FGD5: variants seen among roughly 807,000 people sequenced by gnomAD.
The protein encoded by FGD5 is FYVE, RhoGEF and PH domain containing 5.
A neutral mutation model predicts 133.4 loss-of-function variants in FGD5; 28 were observed. That is an observed-to-expected ratio of 0.21 (90% CI 0.16 to 0.29). FGD5 has a LOEUF of 0.29. Ranked by LOEUF, FGD5 falls within the 10% of genes least tolerant of loss-of-function variation. The pLI is 1.00. For synonymous variants in FGD5, 810 were observed against 776.5 expected, an observed-to-expected ratio of 1.04 and a Z score of -0.72; for missense variants, 1,858 against 1,895.2, an observed-to-expected ratio of 0.98 and a Z score of 0.36.
intron 7 of FGD5, among the ~76,000 whole-genome samples, chr3:14,899,965 C>T (rs545613995): frequency 8.9e-4 from 135 of 152,310 alleles, no homozygotes; most frequent in African/African-American, 3.2e-3. Flanking sequence ...TCAAGAAAGC[C>T]ATCATGGCCA....
intron 1 of FGD5, among the ~76,000 whole-genome samples, chr3:14,851,207 A>G (rs1249046093): frequency 1.3e-5 from 2 of 152,126 alleles, no homozygotes; most frequent in Non-Finnish European, 2.9e-5. Flanking sequence ...ACCAGCAGGT[A>G]CTGTGTTACA....
At chr3:14,811,202 C>T (rs1317665456) in intron 1 of FGD5, among the ~76,000 whole-genome samples, 3 of 152,180 alleles carry the variant, frequency 2.0e-5, no homozygotes, top group Non-Finnish European at 4.4e-5. Context: ...TTCGCAAAAG[C>T]GACTTCGTCT....
Position 14,910,939 on chromosome 3 carries a change from C to G in FGD5, c.3405+10C>G, listed in dbSNP as rs374666844. 15 of 1,608,774 alleles carry G rather than the reference C, an allele frequency of 9.3e-6. No homozygotes were observed. The highest frequency in any genetic ancestry group is 4.0e-5 in the African/African-American group (3 of 74,786). On this transcript the variant is annotated intron_variant, in intron 11 of 19. Transcript: ENST00000285046. ...CCGGCACCTATTTCTGGTAAGTGCCCGGTCCCCAAGCCCAGCTCAGGAACT... is the reference window on the plus strand; with the variant it reads ...CCGGCACCTATTTCTGGTAAGTGCCGGGTCCCCAAGCCCAGCTCAGGAACT...
intron 7 of FGD5, among the ~76,000 whole-genome samples, chr3:14,899,196 C>A (rs563543025): frequency 2.6e-5 from 4 of 152,266 alleles, no homozygotes; most frequent in African/African-American, 9.6e-5. Context: ...CTGCTGGACC[C>A]ACGACCACTT....
intron 1 of FGD5, among the ~76,000 whole-genome samples, chr3:14,837,865 C>T (rs1391341178): frequency 6.6e-6 from 1 of 152,192 alleles, no homozygotes; most frequent in Non-Finnish European, 1.5e-5. Context: ...TAAGTGATTT[C>T]GTAGGGCTGT....
rs534488905 is a variant in FGD5, at chr3:14,927,099, A to C, written c.4197+901A>C. The stretch of plus-strand genomic sequence containing the variant: ...GGCTTTCTAGAAGAAATTGCTTTGG[A>C]GCCATACTTAAACACTTAGCAAGGC... On this transcript the variant is annotated intron_variant, in intron 18 of 19. Transcript: ENST00000285046. Among the ~76,000 whole-genome samples, 27 of 152,288 alleles carry C rather than the reference A, an allele frequency of 1.8e-4. No homozygotes were observed. The South Asian group carries it at 5.2e-3, about 29-fold the overall frequency.
intron 18 of FGD5, among the ~76,000 whole-genome samples, chr3:14,927,717 G>A (rs757654142): frequency 3.0e-4 from 46 of 151,986 alleles, no homozygotes; most frequent in Non-Finnish European, 6.5e-4. Context: ...AACAGTCCTG[G>A]GAAAAAGCGA....
rs145333437 is a variant in FGD5 at position 14,919,253 on chromosome 3, A to T, written c.3569+420A>T. 1.0e-3 allele frequency among the ~76,000 whole-genome samples: 158 copies of T among 152,356 alleles called. 4 individuals are homozygous for T. In the East Asian group the frequency reaches 0.028, roughly 27 times the overall value. On this transcript the variant is annotated intron_variant, in intron 13 of 19. Transcript: ENST00000285046. The stretch of plus-strand genomic sequence containing the variant: ...TCCTGTCTAGAAGATGAGAGAAAAA[A>T]AATAATAAGTGAGCGTTCATCACTT...
At chr3:14,832,633 T>C (rs1258941199) in intron 1 of FGD5, among the ~76,000 whole-genome samples, 1 of 152,182 alleles carries the variant, frequency 6.6e-6, no homozygotes. Context: ...GCATGACTTT[T>C]AAGCCAGTAA....
Position 14,821,395 on chromosome 3 carries a change from A to C in FGD5, c.2324A>C (p.Glu775Ala). ...CCCAGCGCTGACACTTCAGACTATG[A>C]GAACATTCCAGCCATGAACTCGGAC... The part of the protein sequence containing the change: ...SFPSADTSDY[E>A]NIPAMNSDYE... The change falls in exon 1 of 20, where the codon GAG becomes GCG. Residue 775 changes from glutamate (E) to alanine (A), a missense_variant. Around this residue, in one of 3 missense-constraint regions of FGD5, gnomAD observed 1,824 missense variants for 1,848.9 expected, o/e 0.99. Coordinates refer to ENST00000285046, the MANE Select transcript of FGD5 (RefSeq NM_152536.4). The C allele has an allele frequency of 6.2e-7, 1 of 1,614,014 alleles. No individual in the cohort carries two copies. Among genetic ancestry groups the C allele is most frequent in the Non-Finnish European group, 8.5e-7 (1 of 1,179,900 alleles).
At chr3:14,825,654 AAAATG>A (rs1349575431) in intron 1 of FGD5, among the ~76,000 whole-genome samples, 2 of 152,184 alleles carry the variant, frequency 1.3e-5, no homozygotes, top group African/African-American at 2.4e-5. Context: ...ATTCAAAAGA[AAAATG>A]AAATGAAATG....
At chr3:14,852,619 C>T (rs376433960) in intron 1 of FGD5, among the ~76,000 whole-genome samples, 1 of 152,300 alleles carries the variant, frequency 6.6e-6, no homozygotes. Context: ...AGAAAGCAAA[C>T]CCCTCTGAAA....
intron 11 of FGD5, among the ~76,000 whole-genome samples, chr3:14,916,818 T>C (rs1028695924): frequency 2.6e-5 from 4 of 152,234 alleles, no homozygotes; most frequent in African/African-American, 9.6e-5. Flanking sequence ...GCATATACTC[T>C]TTTGTGCCTC....
rs2036476077 is a variant in FGD5, at chr3:14,820,698, G to A, written c.1627G>A (p.Ala543Thr). Residue 543 changes from alanine (A) to threonine (T), a missense_variant, in exon 1 of 20, where the codon GCC becomes ACC. This residue lies in a region of FGD5 where 1,824 missense variants were observed against 1,848.9 expected (regional missense o/e 0.99). Coordinates refer to ENST00000285046, the MANE Select transcript of FGD5 (RefSeq NM_152536.4). Reference protein sequence around the residue: ...ASRALPAKPRAFTLYPRSFSV... With the variant: ...ASRALPAKPRTFTLYPRSFSV... Reference sequence around the variant, plus strand: ...CAGGGCCTTGCCAGCAAAGCCCAGGGCCTTTACTTTATACCCTCGGTCGTT... The same window carrying A: ...CAGGGCCTTGCCAGCAAAGCCCAGGACCTTTACTTTATACCCTCGGTCGTT... 6.3e-7 allele frequency: 1 copy of A among 1,594,192 alleles called. No individual in the cohort carries two copies. The highest frequency in any genetic ancestry group is 8.5e-7 in the Non-Finnish European group (1 of 1,172,226).
At chr3:14,897,451 A>G in intron 4 of FGD5, 58 bp from the exon 5 acceptor site, 2 of 1,552,440 alleles carry the variant, frequency 1.3e-6, no homozygotes, top group Non-Finnish European at 1.7e-6. Context: ...AAATCTGCCA[A>G]GGAGGACTTG....
At chr3:14,868,346 C>A (rs192178717) in intron 2 of FGD5, among the ~76,000 whole-genome samples, 8 of 152,308 alleles carry the variant, frequency 5.3e-5, no homozygotes, top group African/African-American at 1.9e-4. Context: ...CCCTTCCTGT[C>A]CTCACGCCCT....
rs1374050799 is a variant in FGD5 at position 14,826,946 on chromosome 3, C to CA, written c.2525+5352dup. Among the ~76,000 whole-genome samples, 600 of 152,288 alleles carry CA rather than the reference C, an allele frequency of 3.9e-3. 5 individuals carry two copies. Among genetic ancestry groups the CA allele is most frequent in the African/African-American group, 0.014 (583 of 41,558 alleles). On this transcript the variant is annotated intron_variant, in intron 1 of 19. Coordinates refer to ENST00000285046, the MANE Select transcript of FGD5 (RefSeq NM_152536.4). ...TTCAGGGCTGCAGGCAACATCTGAG[C>CA]AATATTGATTTGGAGTCATTAGCTG...
At chr3:14,921,367 A>AC (rs1156856795) in intron 13 of FGD5, 1 of 158,086 alleles carries the variant, frequency 6.3e-6, no homozygotes, top group East Asian at 1.8e-4. Flanking sequence ...GCTAGCTGGC[A>AC]CCCAGCCCAG....
rs1486228283 is a variant in FGD5 at position 14,867,139 on chromosome 3, A to G, written c.2658+2879A>G. On this transcript the variant is annotated intron_variant, in intron 2 of 19. Coordinates refer to ENST00000285046, the MANE Select transcript of FGD5 (RefSeq NM_152536.4). ...CCACGGAATATGTAAATCACTGCAGATGAGGGTGAAAGTCCCCTCGAACTC... is the reference window on the plus strand; with the variant it reads ...CCACGGAATATGTAAATCACTGCAGGTGAGGGTGAAAGTCCCCTCGAACTC... Among the ~76,000 whole-genome samples, 3 of 152,358 alleles carry G rather than the reference A, an allele frequency of 2.0e-5. No individual in the cohort carries two copies. The East Asian group carries it at 5.8e-4, about 29-fold the overall frequency.
Sources: gnomAD v4.1 joint callset for allele counts (sites outside exome capture counted in the v4.1 genomes callset) on GRCh38, gnomAD v4.1.1 for gene constraint, gnomAD v4.1.1 regional missense constraint, MANE v1.5 for transcripts, NCBI Gene and HGNC (gene_info 2026-07-23, HGNC 2026-07-21) for gene names.